CERS6: variants seen among roughly 807,000 people sequenced by gnomAD.
The protein encoded by CERS6 is ceramide synthase 6.
In CERS6, 26 loss-of-function variants were observed where a neutral mutation model predicts 56.8. The ratio of observed to expected loss-of-function variants is 0.46; its 90% CI spans 0.34 to 0.63. CERS6 has a LOEUF of 0.63. Among genes scored for constraint, CERS6 ranks in the 30% least tolerant of loss-of-function variants. The probability of loss-of-function intolerance (pLI) is 0.01; values close to 1 mark genes in which losing one functional copy is unlikely to be tolerated. For missense variants in CERS6, 415 were observed against 467.5 expected, an observed-to-expected ratio of 0.89 and a Z score of 1.04; for synonymous variants, 164 against 173.3, an observed-to-expected ratio of 0.95 and a Z score of 0.42.
chr2:168,583,877 C>T (rs994817159), intron 3 of CERS6, among the ~76,000 whole-genome samples: 1 of 152,148 alleles, frequency 6.6e-6, no homozygotes, highest in African/African-American at 2.4e-5. Context: ...CTCTGTTTGG[C>T]GATTATTGTA....
Position 168,553,447 on chromosome 2 carries a change from G to T in CERS6, c.276+5746G>T, listed in dbSNP as rs1695613830. On this transcript the variant is annotated intron_variant, in intron 2 of 9. Transcript: ENST00000305747. ...AAAGTTGCTGGACTTGATAAGTAAAGAAATACTTCACTGAGCAGCTGGGCA... is the reference window on the plus strand; with the variant it reads ...AAAGTTGCTGGACTTGATAAGTAAATAAATACTTCACTGAGCAGCTGGGCA... Among the ~76,000 whole-genome samples, 3 of 151,706 alleles carry T rather than the reference G, an allele frequency of 2.0e-5. No individual in the cohort carries two copies. The South Asian group carries it at 6.2e-4, about 31-fold the overall frequency.
chr2:168,461,976 T>A (rs1412039380), intron 1 of CERS6, among the ~76,000 whole-genome samples: 1 of 152,246 alleles, frequency 6.6e-6, no homozygotes, highest in Non-Finnish European at 1.5e-5. Flanking sequence ...ACCAGTTCCA[T>A]GGCTTTGTCA....
At chr2:168,695,424 A>G (rs1212716819) in intron 6 of CERS6, among the ~76,000 whole-genome samples, 3 of 152,110 alleles carry the variant, frequency 2.0e-5, no homozygotes, top group Non-Finnish European at 4.4e-5. Flanking sequence ...AACCCTACAG[A>G]ATTAATTCCC....
At chr2:168,757,095 T>C (rs369880628) in intron 8 of CERS6, among the ~76,000 whole-genome samples, 1 of 152,144 alleles carries the variant, frequency 6.6e-6, no homozygotes, top group East Asian at 1.9e-4. Context: ...TTTGGCACAG[T>C]GCTTAACACG....
At chr2:168,519,978 T>A (rs1694948637) in intron 1 of CERS6, among the ~76,000 whole-genome samples, 1 of 152,200 alleles carries the variant, frequency 6.6e-6, no homozygotes, top group Admixed American at 6.5e-5. Context: ...GATAATTCTA[T>A]TTTTAGTTCT....
At chr2:168,654,064 T>C (rs1218617202) in intron 4 of CERS6, among the ~76,000 whole-genome samples, 1 of 152,168 alleles carries the variant, frequency 6.6e-6, no homozygotes, top group Non-Finnish European at 1.5e-5. Flanking sequence ...AGATTCCTCA[T>C]GCATCTCAGG....
At chr2:168,704,524 A>C (rs571940643) in intron 6 of CERS6, among the ~76,000 whole-genome samples, 11 of 152,160 alleles carry the variant, frequency 7.2e-5, no homozygotes, top group Admixed American at 1.3e-4. Context: ...AAATATAAAC[A>C]AACCCGTTCA....
chr2:168,701,757 G>A (rs1328794160), intron 6 of CERS6, among the ~76,000 whole-genome samples: 1 of 152,066 alleles, frequency 6.6e-6, no homozygotes. Context: ...TGTAATCCCA[G>A]CCCTTTGGGA....
chr2:168,561,082 T>G, intron 2 of CERS6, 110 bp from the exon 3 acceptor site: 1 of 1,117,282 alleles, frequency 9.0e-7, no homozygotes, highest in South Asian at 1.5e-5. Flanking sequence ...CAGTAGCAGA[T>G]AGTAAACAAT....
At chr2:168,571,484 T>C (rs1250089185) in intron 3 of CERS6, among the ~76,000 whole-genome samples, 4 of 152,234 alleles carry the variant, frequency 2.6e-5, no homozygotes, top group African/African-American at 9.6e-5. Flanking sequence ...GCATTTGGAC[T>C]AAGTAACAGG....
intron 3 of CERS6, among the ~76,000 whole-genome samples, chr2:168,584,791 A>G (rs952539608): frequency 2.0e-5 from 3 of 152,212 alleles, no homozygotes; most frequent in African/African-American, 7.2e-5. Flanking sequence ...AACAAACAAA[A>G]ATGGCTGCAA....
chr2:168,715,201 C>G, intron 7 of CERS6, 72 bp downstream of exon 7: 1 of 1,359,770 alleles, frequency 7.4e-7, no homozygotes. Context: ...ATTAGCTCTT[C>G]AGTGTTATGC....
intron 4 of CERS6, among the ~76,000 whole-genome samples, chr2:168,682,844 T>C (rs1686254116): frequency 6.6e-6 from 1 of 152,322 alleles, no homozygotes. Context: ...CCTTTGTCTA[T>C]CTTACTTTCT....
intron 1 of CERS6, among the ~76,000 whole-genome samples, chr2:168,523,461 A>T (rs531547655): frequency 1.3e-5 from 2 of 152,280 alleles, no homozygotes; most frequent in East Asian, 3.9e-4. Flanking sequence ...CCCTTCCTAA[A>T]TAAAAGGGGT....
At chr2:168,714,766 C>A (rs759923701) in intron 6 of CERS6, among the ~76,000 whole-genome samples, 1 of 152,178 alleles carries the variant, frequency 6.6e-6, no homozygotes, top group Non-Finnish European at 1.5e-5. Flanking sequence ...AGTGGGCCCT[C>A]TCCAGATACC....
At chr2:168,596,551 C>CA (rs1429420441) in intron 3 of CERS6, among the ~76,000 whole-genome samples, 38 of 136,482 alleles carry the variant, frequency 2.8e-4, no homozygotes, top group African/African-American at 1.2e-3. Context: ...CCCCATCCCC[C>CA]CCCCTTTTTT....
At chr2:168,585,795 T>C (rs1385749687) in intron 3 of CERS6, among the ~76,000 whole-genome samples, 1 of 152,148 alleles carries the variant, frequency 6.6e-6, no homozygotes, top group Non-Finnish European at 1.5e-5. Flanking sequence ...GAAAAATAGG[T>C]GGGCTGGTCC....
At chr2:168,623,725 T>C (rs1349025556) in intron 3 of CERS6, among the ~76,000 whole-genome samples, 2 of 152,208 alleles carry the variant, frequency 1.3e-5, no homozygotes, top group African/African-American at 2.4e-5. Flanking sequence ...TTGATATTTA[T>C]ACATTAAAGA....
At chr2:168,560,535 C>G (rs992812469) in intron 2 of CERS6, among the ~76,000 whole-genome samples, 2 of 151,980 alleles carry the variant, frequency 1.3e-5, no homozygotes, top group Non-Finnish European at 2.9e-5. Flanking sequence ...GTACTTTTTT[C>G]AAGTAATGCA....
Sources: gnomAD v4.1 joint callset for allele counts (sites outside exome capture counted in the v4.1 genomes callset) on GRCh38, gnomAD v4.1.1 for gene constraint, MANE v1.5 for transcripts, NCBI Gene and HGNC (gene_info 2026-07-23, HGNC 2026-07-21) for gene names.